BCL9: variants seen among roughly 807,000 people sequenced by gnomAD.
BCL9 encodes B-cell CLL/lymphoma 9 protein.
A neutral mutation model predicts 88.5 loss-of-function variants in BCL9; 25 were observed. That is an observed-to-expected ratio of 0.28 (90% CI 0.21 to 0.39). The LOEUF (loss-of-function observed/expected upper bound fraction) is 0.39, where lower values mean the gene tolerates loss of function less well. BCL9 is among the 10% of genes least tolerant of loss of function. BCL9 has a pLI of 1.00. For missense variants in BCL9, 1,817 were observed against 1,877.8 expected (o/e 0.97, Z 0.60); for synonymous variants, 711 against 673.3 (o/e 1.06, Z -0.87).
rs781879991 is a variant in BCL9 at position 147,624,154 on chromosome 1, G to C, written c.3476G>C (p.Ser1159Thr). 6.3e-7 allele frequency: 1 copy of C among 1,596,886 alleles called. No individual in the cohort carries two copies. Among genetic ancestry groups the C allele is most frequent in the Non-Finnish European group, 8.5e-7 (1 of 1,170,228 alleles). ...GTTCCATTCCCTCACAATGGCCCCA[G>C]TGGGGGGCAGGGCAGCTTCCCAGGA... ...QQVPFPHNGP[S>T]GGQGSFPGGM... is the part of the protein sequence containing the mutation. The change falls in exon 10 of 10, where the codon AGT (serine) becomes ACT (threonine). Residue 1159 changes from serine (S) to threonine (T), a missense_variant. This residue lies in a region of BCL9 where 589 missense variants were observed against 686.2 expected (regional missense o/e 0.86). Coordinates refer to ENST00000234739, the MANE Select transcript of BCL9 (RefSeq NM_004326.4). This position sits in a 1 kb window ranked among gnomAD's most constrained non-coding sequence, Gnocchi z 4.4.
chr1:147,601,726 A>G (rs1210485670), intron 1 of BCL9, among the ~76,000 whole-genome samples: 4 of 152,232 alleles, frequency 2.6e-5, no homozygotes, highest in Non-Finnish European at 5.9e-5. Flanking sequence ...AAAATTTAAG[A>G]AAGACATCCT....
chr1:147,599,225 GCA>G (rs1657196768), intron 1 of BCL9, among the ~76,000 whole-genome samples: 1 of 152,218 alleles, frequency 6.6e-6, no homozygotes, highest in Non-Finnish European at 1.5e-5. Flanking sequence ...GGAGGAGAGC[GCA>G]GTCCTGGGTG....
intron 7 of BCL9, among the ~76,000 whole-genome samples, chr1:147,617,089 T>C (rs928478440): frequency 6.6e-6 from 1 of 152,212 alleles, no homozygotes; most frequent in Non-Finnish European, 1.5e-5. Context: ...CTTCCTAAAC[T>C]TAGAAAAGGA....
rs1656539139 is a variant in BCL9, at chr1:147,585,020, C to T, written c.-477-19757C>T. ...AGAGCTGTTACATGATGCACAGCCC[C>T]TAACCTTCTGTTAATGGCTCACCCC... On this transcript the variant is annotated intron_variant, in intron 1 of 9. Transcript: ENST00000234739. Among the ~76,000 whole-genome samples, 3 of 152,166 alleles carry T rather than the reference C, an allele frequency of 2.0e-5. No homozygotes were observed. The South Asian group carries it at 6.2e-4, about 32-fold the overall frequency.
rs372885792 is a variant in BCL9 at position 147,620,387 on chromosome 1, T to G, written c.2232T>G (p.Pro744=). 2 of 1,613,720 alleles carry G rather than the reference T, an allele frequency of 1.2e-6. No homozygotes were observed. The highest frequency in any genetic ancestry group is 2.2e-5 in the South Asian group (2 of 91,046). The part of the protein sequence containing the change: ...PQKMREAGAG[P]EEMLKLRPGG... ...AGATGAGAGAGGCTGGGGCGGGCCC[T>G]GAGGAGATGCTGAAATTACGCCCAG... The change falls in exon 8 of 10, where the codon CCT becomes CCG. Residue 744 remains proline, a synonymous_variant. Coordinates refer to ENST00000234739, the MANE Select transcript of BCL9 (RefSeq NM_004326.4).
At chr1:147,575,328 T>A (rs1553197957) in intron 1 of BCL9, among the ~76,000 whole-genome samples, 1 of 152,194 alleles carries the variant, frequency 6.6e-6, no homozygotes, top group African/African-American at 2.4e-5. Context: ...TTTTCCTTCA[T>A]ACACTTTAAT....
intron 1 of BCL9, among the ~76,000 whole-genome samples, chr1:147,555,149 G>T (rs1553195274): frequency 6.6e-6 from 1 of 152,112 alleles, no homozygotes; most frequent in Non-Finnish European, 1.5e-5. Context: ...TCTTTCAGAT[G>T]CAGACCCCGA....
intron 1 of BCL9, among the ~76,000 whole-genome samples, chr1:147,603,392 T>A (rs1657500322): frequency 6.6e-6 from 1 of 152,226 alleles, no homozygotes; most frequent in South Asian, 2.1e-4. Flanking sequence ...TTGGATGTGT[T>A]TCCTGGCTTC....
intron 1 of BCL9, among the ~76,000 whole-genome samples, chr1:147,576,819 G>A (rs1333403175): frequency 3.3e-5 from 5 of 152,142 alleles, no homozygotes; most frequent in African/African-American, 1.2e-4. Flanking sequence ...GTGACCTTAA[G>A]TTGCCTACAG....
chr1:147,605,393 C>T (rs1043347186), intron 2 of BCL9, among the ~76,000 whole-genome samples: 6 of 152,148 alleles, frequency 3.9e-5, no homozygotes, highest in Admixed American at 1.3e-4. Context: ...GGAGGACATA[C>T]AGAGGAGAGT....
intron 1 of BCL9, among the ~76,000 whole-genome samples, chr1:147,577,004 A>AT (rs1656141285): frequency 6.6e-6 from 1 of 152,166 alleles, no homozygotes; most frequent in Admixed American, 6.5e-5. Context: ...TTGGATGATG[A>AT]TTTTAGTGCA....
Position 147,613,187 on chromosome 1 carries a change from T to A in BCL9, c.358T>A (p.Ser120Thr), listed in dbSNP as rs1553203029. 8 of 1,614,056 alleles carry A rather than the reference T, an allele frequency of 5.0e-6. No individual in the cohort carries two copies. Among genetic ancestry groups the A allele is most frequent in the Non-Finnish European group, 6.8e-6 (8 of 1,180,036 alleles). The change falls in exon 5 of 10, where the codon TCT (serine) becomes ACT (threonine). Residue 120 changes from serine to threonine, a missense_variant. Around this residue, in one of 2 missense-constraint regions of BCL9, gnomAD observed 1,228 missense variants for 1,191.6 expected, o/e 1.03. Coordinates refer to ENST00000234739, the MANE Select transcript of BCL9 (RefSeq NM_004326.4). The stretch of plus-strand genomic sequence containing the variant: ...AGATCCTGGGACTCCAAACGATGAC[T>A]CTGACATTAAAGGTATGTCTATAAG... ...QRDPGTPNDD[S>T]DIKECNSADH...
chr1:147,587,911 G>GAC (rs1172631827), intron 1 of BCL9, among the ~76,000 whole-genome samples: 2 of 152,098 alleles, frequency 1.3e-5, no homozygotes, highest in Non-Finnish European at 2.9e-5. Flanking sequence ...AATGATTTAA[G>GAC]ACACATAAAA....
rs1347125497 is a variant in BCL9, at chr1:147,626,112, C to G, written c.*1153C>G. The G allele has an allele frequency of 4.6e-6, 1 of 215,146 alleles. No homozygotes were observed. The highest frequency in any genetic ancestry group is 9.4e-6 in the Non-Finnish European group (1 of 106,446). 13.3% of individuals were successfully genotyped at this position (215,146 alleles called of 1,614,324 possible). ...TTTGTGGTTCCTTCCCTTTCCTCCC[C>G]CTCCCATGCGTAAGACGTTCTGTGT... is the stretch of plus-strand genomic sequence containing the variant. On this transcript the variant is annotated 3_prime_UTR_variant, in exon 10 of 10. Transcript: ENST00000234739.
intron 1 of BCL9, among the ~76,000 whole-genome samples, chr1:147,561,653 C>G (rs1336510473): frequency 3.9e-5 from 6 of 152,198 alleles, no homozygotes; most frequent in African/African-American, 1.4e-4. Flanking sequence ...CTGCTAGGAA[C>G]TTAATAGGCA....
chr1:147,618,805 T>C lies in BCL9; in HGVS notation c.661-11T>C. The C allele has an allele frequency of 6.6e-7, 1 of 1,516,298 alleles. No homozygotes were observed. Among genetic ancestry groups the C allele is most frequent in the South Asian group, 1.3e-5 (1 of 74,922 alleles). The allele number at this position is 1,516,298 out of a possible 1,614,324, so 93.9% of individuals were successfully genotyped here. A position where few individuals can be genotyped will look rare whatever the true frequency, so the allele number is the denominator to read the frequency against. ...TTACTAATGATTTTTAAACTATTTGTTTGTCTTCAGAACACACAGATATCT... is the reference window on the plus strand; with the variant it reads ...TTACTAATGATTTTTAAACTATTTGCTTGTCTTCAGAACACACAGATATCT... On this transcript the variant is annotated splice_polypyrimidine_tract_variant and intron_variant, in intron 7 of 9. Transcript: ENST00000234739.
At position 147,616,772 on chromosome 1, in the gene BCL9, C is replaced by CAA. The variant is rs59428662; in HGVS notation, c.660+880_660+881dup. Among the ~76,000 whole-genome samples, 1,306 of 147,084 alleles carry CAA rather than the reference C, an allele frequency of 8.9e-3. 15 individuals carry two copies. Among genetic ancestry groups the CAA allele is most frequent in the African/African-American group, 0.02 (814 of 39,936 alleles). On this transcript the variant is annotated intron_variant, in intron 7 of 9. Transcript: ENST00000234739. ...GGGTGATAAGAGTGAGACTCTGTCT[C>CAA]AAAAAAAAAAAGCATACAGTGGATG...
chr1:147,567,921 C>T (rs1409088386), intron 1 of BCL9, among the ~76,000 whole-genome samples: 1 of 152,158 alleles, frequency 6.6e-6, no homozygotes, highest in Non-Finnish European at 1.5e-5. Flanking sequence ...ATTTTATATC[C>T]CATTGCAGCT....
intron 1 of BCL9, among the ~76,000 whole-genome samples, chr1:147,601,906 T>G (rs1657411016): frequency 6.6e-6 from 1 of 152,170 alleles, no homozygotes; most frequent in Non-Finnish European, 1.5e-5. Flanking sequence ...TTATTTTTAT[T>G]TGTTTATTTT....
Sources: allele counts gnomAD v4.1 joint callset (sites outside exome capture counted in the v4.1 genomes callset), GRCh38; gene constraint gnomAD v4.1.1; regional missense constraint gnomAD v4.1.1; non-coding constraint Gnocchi (gnomAD v3.1); transcripts MANE v1.5; gene names NCBI Gene and HGNC (gene_info 2026-07-23, HGNC 2026-07-21).